Variants in ASTN2 observed in about 807,000 individuals in gnomAD.
The protein encoded by ASTN2 is astrotactin 2.
Under a neutral mutation model 139.8 loss-of-function variants are expected in ASTN2, and 54 were observed. That is an observed-to-expected ratio of 0.39 (90% confidence interval 0.31 to 0.48). ASTN2 has a LOEUF of 0.48. Ranked by LOEUF, ASTN2 falls within the 20% of genes least tolerant of loss-of-function variation. The pLI is 0.95. For synonymous variants in ASTN2, 756 were observed against 719.5 expected (o/e 1.05, Z -0.81); for missense variants, 1,565 against 1,725.1 (o/e 0.91, Z 1.64).
chr9:116,760,932 C>T (rs983028168), intron 13 of ASTN2, among the ~76,000 whole-genome samples: 6 of 152,082 alleles, frequency 3.9e-5, no homozygotes, highest in Non-Finnish European at 7.4e-5. Flanking sequence ...GAGGGGAGGA[C>T]GCGGAGGTGG....
chr9:116,606,296 G>A (rs1265573399), intron 19 of ASTN2, among the ~76,000 whole-genome samples: 1 of 152,140 alleles, frequency 6.6e-6, no homozygotes, highest in Non-Finnish European at 1.5e-5. Context: ...CAAAGAGGGC[G>A]CCAAACCTAG....
chr9:116,773,866 C>T (rs191880713), intron 13 of ASTN2, among the ~76,000 whole-genome samples: 4 of 152,170 alleles, frequency 2.6e-5, no homozygotes, highest in Non-Finnish European at 4.4e-5. Flanking sequence ...TAGATTGGAC[C>T]ACCCATGCAC....
At chr9:116,765,225 C>A (rs1052205697) in intron 13 of ASTN2, among the ~76,000 whole-genome samples, 4 of 152,152 alleles carry the variant, frequency 2.6e-5, no homozygotes, top group Non-Finnish European at 4.4e-5. Context: ...GCAGAGAAAG[C>A]CCTGTTCTCC....
At chr9:116,435,707 T>G (rs961801927) in intron 22 of ASTN2, among the ~76,000 whole-genome samples, 58 of 152,212 alleles carry the variant, frequency 3.8e-4, no homozygotes, top group African/African-American at 1.4e-3. Context: ...TTCTTTCTTT[T>G]ACAAGGATTC....
intron 4 of ASTN2, among the ~76,000 whole-genome samples, chr9:117,140,531 A>T (rs933405514): frequency 2.0e-4 from 31 of 151,974 alleles, no homozygotes; most frequent in Admixed American, 1.7e-3. Context: ...ATGGTAGAAG[A>T]AGAAAGAAGG....
At chr9:116,815,816 A>AAAAAAAAAAAAAAAAAAAAAAAAC (rs1564283204) in intron 12 of ASTN2, among the ~76,000 whole-genome samples, 1 of 140,982 alleles carries the variant, frequency 7.1e-6, no homozygotes, top group African/African-American at 2.9e-5. Flanking sequence ...AAAAAAAAAA[A>AAAAAAAAAAAAAAAAAAAAAAAAC]AAAAAAAAAA....
intron 11 of ASTN2, among the ~76,000 whole-genome samples, chr9:116,838,122 T>TTG (rs1564295750): frequency 6.4e-5 from 8 of 125,440 alleles, no homozygotes; most frequent in African/African-American, 1.7e-4. Flanking sequence ...TTTTGTTTTG[T>TTG]TTTTTGAGAC....
intron 16 of ASTN2, among the ~76,000 whole-genome samples, chr9:116,688,314 T>A (rs940166468): frequency 1.3e-5 from 2 of 152,064 alleles, no homozygotes; most frequent in African/African-American, 4.8e-5. Context: ...ATGTCCTAAC[T>A]GGGCTATAAA....
At chr9:117,234,953 G>C (rs983576227) in intron 2 of ASTN2, among the ~76,000 whole-genome samples, 1 of 152,184 alleles carries the variant, frequency 6.6e-6, no homozygotes, top group East Asian at 1.9e-4. Context: ...GAAGGATAAG[G>C]CTGGGCGCAG....
chr9:117,057,143 T>C (rs1449439252), intron 5 of ASTN2, among the ~76,000 whole-genome samples: 1 of 152,204 alleles, frequency 6.6e-6, no homozygotes, highest in Non-Finnish European at 1.5e-5. Context: ...TGACTGTTAG[T>C]TGCTATGATT....
intron 1 of ASTN2, among the ~76,000 whole-genome samples, chr9:117,352,688 A>G (rs1412633636): frequency 6.6e-6 from 1 of 152,184 alleles, no homozygotes; most frequent in Non-Finnish European, 1.5e-5. Flanking sequence ...TATCCATTTT[A>G]TTGAAAAGAA....
chr9:117,099,641 T>C (rs922301076), intron 4 of ASTN2, among the ~76,000 whole-genome samples: 18 of 152,210 alleles, frequency 1.2e-4, no homozygotes, highest in African/African-American at 3.6e-4. Context: ...GGTTACTACA[T>C]TTATTCCCAT....
intron 3 of ASTN2, among the ~76,000 whole-genome samples, chr9:117,155,251 T>C (rs1172514669): frequency 6.6e-6 from 1 of 151,998 alleles, no homozygotes. Context: ...ACTCCTTTCT[T>C]CTCTATCCCC....
chr9:117,056,599 C>T (rs1271894685), intron 5 of ASTN2, among the ~76,000 whole-genome samples: 6 of 152,146 alleles, frequency 3.9e-5, no homozygotes, highest in Non-Finnish European at 8.8e-5. Context: ...AGAAAAGAGC[C>T]ACTGAAGTTT....
chr9:116,723,572 C>G (rs1369204620), intron 16 of ASTN2, among the ~76,000 whole-genome samples: 1 of 152,178 alleles, frequency 6.6e-6, no homozygotes, highest in Non-Finnish European at 1.5e-5. Context: ...ATGGCAGTGA[C>G]ACATAACTCA....
intron 1 of ASTN2, among the ~76,000 whole-genome samples, chr9:117,360,395 A>G (rs1247635639): frequency 6.6e-6 from 1 of 152,108 alleles, no homozygotes; most frequent in Non-Finnish European, 1.5e-5. Context: ...GTAGTCAGAG[A>G]GGGCCTCTCA....
intron 16 of ASTN2, among the ~76,000 whole-genome samples, chr9:116,696,850 G>A (rs1860880146): frequency 6.7e-6 from 1 of 150,312 alleles, no homozygotes; most frequent in South Asian, 2.1e-4. Context: ...TTTCTGATCT[G>A]ATGTTTTGCA....
At chr9:117,054,070 G>C (rs1838989710) in intron 5 of ASTN2, among the ~76,000 whole-genome samples, 1 of 151,398 alleles carries the variant, frequency 6.6e-6, no homozygotes, top group African/African-American at 2.4e-5. Flanking sequence ...GTTCTGTGAA[G>C]CCTTTTTGCT....
intron 1 of ASTN2, among the ~76,000 whole-genome samples, chr9:117,366,763 C>T (rs920609208): frequency 1.6e-4 from 25 of 152,008 alleles, no homozygotes; most frequent in African/African-American, 5.8e-4. Flanking sequence ...CCACAAATAG[C>T]GTCTACTTCA....
Sources: gnomAD v4.1 joint callset for allele counts (sites outside exome capture counted in the v4.1 genomes callset) on GRCh38, gnomAD v4.1.1 for gene constraint, MANE v1.5 for transcripts, NCBI Gene and HGNC (gene_info 2026-07-23, HGNC 2026-07-21) for gene names.